The following CTNND1 variants were observed in gnomAD, a reference collection of about 807,000 sequenced individuals.
CTNND1 encodes catenin delta-1.
In CTNND1, 16 loss-of-function variants were observed where a neutral mutation model predicts 112.1. The observed-to-expected ratio is 0.14, with a 90% CI of 0.10 to 0.22. CTNND1 has a LOEUF of 0.22. CTNND1 is among the 10% of genes least tolerant of loss of function. The pLI is 1.00. For synonymous variants in CTNND1, 420 were observed against 446.5 expected (o/e 0.94, Z 0.75); for missense variants, 1,008 against 1,257.0 (o/e 0.80, Z 3.00).
At position 57,791,400 on chromosome 11, in the gene CTNND1, T is replaced by C; in HGVS notation, c.-79T>C. The C allele has an allele frequency of 7.3e-7, 1 of 1,363,064 alleles. No individual in the cohort carries two copies. Among genetic ancestry groups the C allele is most frequent in the Non-Finnish European group, 9.5e-7 (1 of 1,050,920 alleles). 84.4% of individuals were successfully genotyped at this position (1,363,064 alleles called of 1,614,324 possible). ...TTCCCGGTAGTGTGAAGTGAGGGGGTCTCTCTCCCTCCTTCTCCTTCCTCT... is the reference window on the plus strand; with the variant it reads ...TTCCCGGTAGTGTGAAGTGAGGGGGCCTCTCTCCCTCCTTCTCCTTCCTCT... On this transcript the variant is annotated 5_prime_UTR_variant, in exon 3 of 21. Coordinates refer to ENST00000399050, the MANE Select transcript of CTNND1 (RefSeq NM_001085458.2).
Position 57,809,330 on chromosome 11 carries a change from T to C in CTNND1, c.2299T>C (p.Ser767Pro), listed in dbSNP as rs761009859. 17 of 1,613,882 alleles carry C rather than the reference T, an allele frequency of 1.1e-5. No individual in the cohort carries two copies. The highest frequency in any genetic ancestry group is 3.4e-6 in the Non-Finnish European group (4 of 1,179,874). The change falls in exon 15 of 21, where the codon TCT becomes CCT. Residue 767 changes from serine to proline, a missense_variant. Transcript: ENST00000399050. ...TCTGCCAGGAGGACAGCAGAACTCCTCTTGGAATTTCTCTGAGGACACTGT... is the reference window on the plus strand; with the variant it reads ...TCTGCCAGGAGGACAGCAGAACTCCCCTTGGAATTTCTCTGAGGACACTGT... ...KNLPGGQQNS[S>P]WNFSEDTVIS...
chr11:57,801,689 A>C (rs1442851048), intron 6 of CTNND1, 44 bp from the exon 7 acceptor site: 1 of 1,526,656 alleles, frequency 6.6e-7, no homozygotes, highest in African/African-American at 1.4e-5. Flanking sequence ...GAAGCTAGCC[A>C]TAATGACTTG....
intron 1 of CTNND1, chr11:57,764,074 A>AT (rs1472076975): frequency 6.6e-6 from 1 of 152,128 alleles, no homozygotes; most frequent in African/African-American, 2.4e-5. Context: ...TAAATCTTTT[A>AT]TTTTTTAAAT....
rs751445427 is a variant in CTNND1 at position 57,809,482 on chromosome 11, A to G, written c.2435+16A>G. 80 of 1,593,074 alleles carry G rather than the reference A, an allele frequency of 5.0e-5. No homozygotes were observed. Among genetic ancestry groups the G allele is most frequent in the Non-Finnish European group, 6.4e-5 (75 of 1,168,422 alleles). ...ACAAATCAGGGTGAGCTTACCACCTAAAATTACAGTCAAAAGAATTTGAGT... is the reference window on the plus strand; with the variant it reads ...ACAAATCAGGGTGAGCTTACCACCTGAAATTACAGTCAAAAGAATTTGAGT... On this transcript the variant is annotated intron_variant, in intron 15 of 20. Coordinates refer to ENST00000399050, the MANE Select transcript of CTNND1 (RefSeq NM_001085458.2).
chr11:57,804,696 G>T lies in CTNND1; in HGVS notation c.1638G>T (p.Arg546=), dbSNP rs2062431811. The T allele has an allele frequency of 6.2e-7, 1 of 1,613,764 alleles. No homozygotes were observed. Among genetic ancestry groups the T allele is most frequent in the South Asian group, 1.1e-5 (1 of 91,058 alleles). ...NVSSERSEAR[R]KLRECDGLVD... ...GCTCAGAGAGGAGTGAAGCTCGCCG[G>T]AAACTTCGGGAATGTGATGGTTTAG... The change falls in exon 9 of 21, where the codon CGG becomes CGT. Residue 546 remains arginine (R), a synonymous_variant. Coordinates refer to ENST00000399050, the MANE Select transcript of CTNND1 (RefSeq NM_001085458.2).
At chr11:57,806,364 C>T (rs889366382) in intron 10 of CTNND1, 97 bp from the exon 11 acceptor site, 17 of 1,154,300 alleles carry the variant, frequency 1.5e-5, no homozygotes, top group Non-Finnish European at 2.0e-5. Context: ...CTGTGCTTCC[C>T]TGCTTATTTG....
In CTNND1 at chr11:57,775,353, A is replaced by G. The variant is rs577743660; in HGVS notation, c.-214+13234A>G. 7.3e-5 allele frequency among the ~76,000 whole-genome samples: 11 copies of G among 150,086 alleles called. No individual in the cohort carries two copies. The South Asian group carries it at 2.3e-3, about 32-fold the overall frequency. ...TCTCGAAAAAAAAAAAAAACAACAC[A>G]CACACACACACACACAAAACAAGAG... On this transcript the variant is annotated intron_variant, in intron 1 of 20. Coordinates refer to ENST00000399050, the MANE Select transcript of CTNND1 (RefSeq NM_001085458.2).
At position 57,801,966 on chromosome 11, in the gene CTNND1, A is replaced by G. The variant is rs367896892; in HGVS notation, c.1190A>G (p.Asn397Ser). The change falls in exon 7 of 21, where the codon AAT becomes AGT. Residue 397 changes from asparagine to serine, a missense_variant. By Grantham distance (46) the Asn-to-Ser change is conservative. Around this residue, in one of 5 missense-constraint regions of CTNND1, gnomAD observed 216 missense variants for 342.8 expected, o/e 0.63. Coordinates refer to ENST00000399050, the MANE Select transcript of CTNND1 (RefSeq NM_001085458.2). Reference protein sequence around the residue: ...AAYLQHLCYRNDKVKTDVRKL... With the variant: ...AAYLQHLCYRSDKVKTDVRKL... ...TACCTGCAACACTTATGCTACCGCA[A>G]TGACAAGGTGAAGACTGACGTGCGG... is the stretch of plus-strand genomic sequence containing the variant. 5.0e-6 allele frequency: 8 copies of G among 1,613,942 alleles called. No homozygotes were observed. Among genetic ancestry groups the G allele is most frequent in the Non-Finnish European group, 6.8e-6 (8 of 1,179,914 alleles).
intron 1 of CTNND1, among the ~76,000 whole-genome samples, chr11:57,767,990 C>T (rs1048332435): frequency 4.0e-5 from 6 of 151,880 alleles, no homozygotes; most frequent in African/African-American, 1.2e-4. Context: ...CCCGCCACCA[C>T]GCCCGGCTGA....
chr11:57,783,335 G>C (rs1035289738), intron 1 of CTNND1, among the ~76,000 whole-genome samples: 7 of 151,086 alleles, frequency 4.6e-5, no homozygotes, highest in African/African-American at 1.7e-4. Context: ...GGTAGGGCGG[G>C]GTACTTAGAC....
chr11:57,801,705 T>C, intron 6 of CTNND1, 28 bp from the exon 7 acceptor site: 1 of 1,578,194 alleles, frequency 6.3e-7, no homozygotes, highest in African/African-American at 1.3e-5. Flanking sequence ...ACTTGATGTA[T>C]TCTCTTGGTT....
chr11:57,768,444 A>T (rs1951679852), intron 1 of CTNND1, among the ~76,000 whole-genome samples: 1 of 117,314 alleles, frequency 8.5e-6, no homozygotes, highest in Non-Finnish European at 1.6e-5. Context: ...CCCAGGCTGG[A>T]GTGCAGTGGC....
chr11:57,791,010 A>G (rs2060681124), intron 2 of CTNND1, among the ~76,000 whole-genome samples: 2 of 152,164 alleles, frequency 1.3e-5, no homozygotes, highest in Non-Finnish European at 2.9e-5. Flanking sequence ...CCTGCAGGAT[A>G]GTGAATGCTT....
At chr11:57,771,823 T>C (rs530536380) in intron 1 of CTNND1, among the ~76,000 whole-genome samples, 1 of 152,318 alleles carries the variant, frequency 6.6e-6, no homozygotes, top group East Asian at 1.9e-4. Context: ...ATAATTTGCA[T>C]AGTAGCAGAT....
chr11:57,773,774 T>TA (rs1166774085), intron 1 of CTNND1, among the ~76,000 whole-genome samples: 39 of 147,600 alleles, frequency 2.6e-4, no homozygotes, highest in Admixed American at 4.8e-4. Context: ...TCATCTCTAC[T>TA]AAAAAAAAAA....
chr11:57,792,832 ATT>A (rs35942817), intron 3 of CTNND1, among the ~76,000 whole-genome samples: 11,214 of 140,332 alleles, frequency 0.08, 619 homozygotes, highest in African/African-American at 0.16. Context: ...CGGCTGAGTG[ATT>A]TTTTTTTTTT....
intron 6 of CTNND1, among the ~76,000 whole-genome samples, chr11:57,797,595 C>A (rs1337707657): frequency 6.9e-6 from 1 of 145,274 alleles, no homozygotes; most frequent in East Asian, 2.3e-4. Flanking sequence ...GTAATCCCAG[C>A]GCTTTTGGAG....
At position 57,788,679 on chromosome 11, in the gene CTNND1, A is replaced by G. The variant is rs1308936885; in HGVS notation, c.-213-358A>G. On this transcript the variant is annotated intron_variant, in intron 1 of 20. Coordinates refer to ENST00000399050, the MANE Select transcript of CTNND1 (RefSeq NM_001085458.2). The surrounding 1 kb of genome is among the most constrained non-coding windows in gnomAD (Gnocchi z 4.1). ...TGAGGTTTCTGCCTTAGGGGTGGGA[A>G]GGGAGGGGGAAGGGCATTCCAACAG... Among the ~76,000 whole-genome samples the G allele has an allele frequency of 7.0e-6, 1 of 143,084 alleles. No homozygotes were observed. The allele number at this position is 143,084 out of a possible 152,430, so 93.9% of individuals were successfully genotyped here.
chr11:57,796,473 A>C lies in CTNND1; in HGVS notation c.437A>C (p.Lys146Thr), dbSNP rs377196194. The change falls in exon 6 of 21, where the codon AAG becomes ACG. Residue 146 changes from lysine (K) to threonine (T), a missense_variant. By Grantham distance (78) the Lys-to-Thr change is moderately conservative. Coordinates refer to ENST00000399050, the MANE Select transcript of CTNND1 (RefSeq NM_001085458.2). Reference protein sequence around the residue: ...RTETTVKKVVKTVTTRTVQPV... With the variant: ...RTETTVKKVVTTVTTRTVQPV... Reference sequence around the variant, plus strand: ...TACTTGCAGGTCAAGAAAGTAGTGAAGACTGTGACAACACGGACAGTACAG... The same window carrying C: ...TACTTGCAGGTCAAGAAAGTAGTGACGACTGTGACAACACGGACAGTACAG... 2 of 1,600,498 alleles carry C rather than the reference A, an allele frequency of 1.2e-6. No individual in the cohort carries two copies. Among genetic ancestry groups the C allele is most frequent in the Non-Finnish European group, 1.7e-6 (2 of 1,171,306 alleles).
Sources: allele counts gnomAD v4.1 joint callset (sites outside exome capture counted in the v4.1 genomes callset), GRCh38; gene constraint gnomAD v4.1.1; regional missense constraint gnomAD v4.1.1; non-coding constraint Gnocchi (gnomAD v3.1); transcripts MANE v1.5; gene names NCBI Gene and HGNC (gene_info 2026-07-23, HGNC 2026-07-21).